NXPE1: variants seen among roughly 807,000 people sequenced by gnomAD.
The protein encoded by NXPE1 is neurexophilin and PC-esterase domain family member 1.
NXPE1 carries 31 observed loss-of-function variants against 33.3 expected under a neutral mutation model. The ratio of observed to expected loss-of-function variants is 0.93; its 90% CI spans 0.70 to 1.26. NXPE1 has a LOEUF of 1.26. NXPE1 is among the 50% of genes most tolerant of loss of function. The probability of loss-of-function intolerance (pLI) is 0.00; values close to 1 mark genes in which losing one functional copy is unlikely to be tolerated. For missense variants in NXPE1, 661 were observed against 655.6 expected (o/e 1.01, Z -0.09); for synonymous variants, 229 against 231.4 (o/e 0.99, Z 0.09).
chr11:114,550,879 A>G (rs1948455953), intron 5 of NXPE1, among the ~76,000 whole-genome samples: 1 of 152,164 alleles, frequency 6.6e-6, no homozygotes, highest in Non-Finnish European at 1.5e-5. Flanking sequence ...AGCGTGTGCA[A>G]GGTCAAATCC....
At chr11:114,529,703 G>A (rs1253828723) in intron 6 of NXPE1, 1 of 163,164 alleles carries the variant, frequency 6.1e-6, no homozygotes, top group Admixed American at 5.6e-5. Context: ...AGATCACTCA[G>A]TGTAGAGAAT....
Position 114,539,209 on chromosome 11 carries a change from C to A in NXPE1, c.100-8301G>T, listed in dbSNP as rs185077318. Among the ~76,000 whole-genome samples the A allele has an allele frequency of 4.3e-4, 64 of 148,848 alleles. 1 individual carries two copies. In the East Asian group the frequency reaches 6.2e-3, roughly 14 times the overall value. On this transcript the variant is annotated intron_variant, in intron 5 of 8. Coordinates refer to ENST00000534921, the Ensembl canonical transcript of NXPE1. Reference sequence around the variant, plus strand: ...CAAAAAACCAAATACCGCATGTTCTCACTCATAGGTGGGAATTGAACAATG... The same window carrying A: ...CAAAAAACCAAATACCGCATGTTCTAACTCATAGGTGGGAATTGAACAATG...
intron 7 of NXPE1, among the ~76,000 whole-genome samples, chr11:114,525,060 C>G (rs11215035): frequency 1.3e-5 from 2 of 152,038 alleles, no homozygotes; most frequent in Admixed American, 1.3e-4. Context: ...TACATCCCAT[C>G]TGAACCACCC....
At chr11:114,546,646 C>T (rs1370964535) in intron 5 of NXPE1, among the ~76,000 whole-genome samples, 1 of 151,912 alleles carries the variant, frequency 6.6e-6, no homozygotes, top group Non-Finnish European at 1.5e-5. Context: ...GAAGCAAAGA[C>T]ACCCCAATAG....
At chr11:114,533,431 A>C (rs1947661035) in intron 5 of NXPE1, among the ~76,000 whole-genome samples, 1 of 152,204 alleles carries the variant, frequency 6.6e-6, no homozygotes, top group Non-Finnish European at 1.5e-5. Flanking sequence ...AGTGCCGGAC[A>C]GTGGGTGCAG....
At chr11:114,522,257 C>A (rs201047483) in exon 9 of NXPE1, 3 of 1,613,780 alleles carry the variant, frequency 1.9e-6, no homozygotes, top group African/African-American at 1.3e-5. Context: ...GATGGCCCTG[C>A]GAATAAAAAT....
At chr11:114,536,780 G>T (rs570926945) in intron 5 of NXPE1, among the ~76,000 whole-genome samples, 3 of 152,100 alleles carry the variant, frequency 2.0e-5, no homozygotes, top group Non-Finnish European at 2.9e-5. Context: ...TGAAATTGAG[G>T]CAATAATTAA....
At chr11:114,533,818 T>C (rs1349836487) in intron 5 of NXPE1, among the ~76,000 whole-genome samples, 1 of 152,158 alleles carries the variant, frequency 6.6e-6, no homozygotes, top group African/African-American at 2.4e-5. Flanking sequence ...CCACCACAGC[T>C]CAAGGAGGCA....
chr11:114,552,856 T>A (rs1378026279), exon 2 of NXPE1: 14 of 975,638 alleles, frequency 1.4e-5, no homozygotes, highest in Non-Finnish European at 1.6e-5. Flanking sequence ...ACTTACCCAA[T>A]AGGTGTCAGG....
intron 8 of NXPE1, 120 bp from the exon 9 acceptor site, chr11:114,522,623 A>G (rs563082155): frequency 5.8e-6 from 5 of 855,332 alleles, no homozygotes; most frequent in African/African-American, 3.4e-5. Context: ...GAGCCTTTCT[A>G]CTCTCTAGGG....
chr11:114,524,880 C>A (rs1306523262), intron 7 of NXPE1, among the ~76,000 whole-genome samples: 1 of 152,118 alleles, frequency 6.6e-6, no homozygotes, highest in Non-Finnish European at 1.5e-5. Context: ...GTAATAATAT[C>A]AGGATTCTGT....
intron 5 of NXPE1, among the ~76,000 whole-genome samples, chr11:114,538,306 G>C (rs1445661111): frequency 1.3e-5 from 2 of 152,176 alleles, no homozygotes; most frequent in African/African-American, 4.8e-5. Context: ...TTACATGTTT[G>C]ACCTAAAACC....
intron 5 of NXPE1, among the ~76,000 whole-genome samples, chr11:114,546,600 C>T (rs1948293009): frequency 6.6e-6 from 1 of 151,804 alleles, no homozygotes; most frequent in Non-Finnish European, 1.5e-5. Context: ...CCATGCCTGG[C>T]CAATATTTCT....
intron 5 of NXPE1, among the ~76,000 whole-genome samples, chr11:114,532,338 C>T (rs1947614860): frequency 6.6e-6 from 1 of 151,914 alleles, no homozygotes. Context: ...ATGAAATTCC[C>T]CCAAAAGAAC....
At chr11:114,550,890 T>A (rs1198708670) in intron 5 of NXPE1, among the ~76,000 whole-genome samples, 1 of 152,160 alleles carries the variant, frequency 6.6e-6, no homozygotes, top group Non-Finnish European at 1.5e-5. Context: ...GGTCAAATCC[T>A]AATTGGAATG....
chr11:114,522,253 C>T (rs779993179), exon 9 of NXPE1: 1 of 1,613,964 alleles, frequency 6.2e-7, no homozygotes, highest in Non-Finnish European at 8.5e-7. Flanking sequence ...CACCGATGGC[C>T]CTGCGAATAA....
exon 6 of NXPE1, chr11:114,530,442 G>A (rs760378519): frequency 2.0e-5 from 33 of 1,614,068 alleles, no homozygotes; most frequent in Middle Eastern, 3.3e-4. Flanking sequence ...GAGAGCCGAC[G>A]CCCCTTCACT....
At chr11:114,556,382 G>A (rs1308244898) in intron 1 of NXPE1, among the ~76,000 whole-genome samples, 1 of 152,090 alleles carries the variant, frequency 6.6e-6, no homozygotes, top group Non-Finnish European at 1.5e-5. Flanking sequence ...GTCTCCCTTG[G>A]ATACACAGAG....
Position 114,555,133 on chromosome 11 carries a change from G to C in NXPE1, c.-210-2253C>G, listed in dbSNP as rs370616044. Among the ~76,000 whole-genome samples the C allele has an allele frequency of 2.0e-5, 3 of 150,826 alleles. No individual in the cohort carries two copies. In the South Asian group the frequency reaches 6.3e-4, roughly 32 times the overall value. Reference sequence around the variant, plus strand: ...TCTTTTTTTTGTCATTACTGTTGCTGTCTGGTATAGATATTTCTGGGGCAT... The same window carrying C: ...TCTTTTTTTTGTCATTACTGTTGCTCTCTGGTATAGATATTTCTGGGGCAT... On this transcript the variant is annotated intron_variant, in intron 1 of 8. Coordinates refer to ENST00000534921, the Ensembl canonical transcript of NXPE1.
Sources: allele counts gnomAD v4.1 joint callset (sites outside exome capture counted in the v4.1 genomes callset), GRCh38; gene constraint gnomAD v4.1.1; transcripts MANE v1.5; gene names NCBI Gene and HGNC (gene_info 2026-07-23, HGNC 2026-07-21).